MROH9: variants seen among roughly 807,000 people sequenced by gnomAD.
The protein encoded by MROH9 is maestro heat like repeat family member 9.
A neutral mutation model predicts 98.2 loss-of-function variants in MROH9; 92 were observed. That is an observed-to-expected ratio of 0.94 (90% confidence interval 0.79 to 1.11). The LOEUF is 1.11. Among genes scored for constraint, MROH9 ranks in the 50% most tolerant of loss-of-function variants. The pLI, the probability that MROH9 is intolerant of heterozygous loss-of-function variation, is 0.00. For synonymous variants in MROH9, 397 were observed against 368.9 expected (o/e 1.08, Z -0.87); for missense variants, 1,057 against 1,014.8 (o/e 1.04, Z -0.57).
intron 5 of MROH9, among the ~76,000 whole-genome samples, chr1:170,959,843 A>G (rs1649947551): frequency 6.6e-6 from 1 of 152,242 alleles, no homozygotes; most frequent in Admixed American, 6.5e-5. Flanking sequence ...TGGTTTAGCA[A>G]GAATAGGGAG....
At chr1:171,025,494 CT>C in intron 20 of MROH9, 74 bp downstream of exon 20, 1 of 1,019,498 alleles carries the variant, frequency 9.8e-7, no homozygotes, top group Non-Finnish European at 1.5e-6. Flanking sequence ...AAAAGTCTTT[CT>C]TACATTTTTT....
At chr1:171,063,986 A>G in intron 21 of MROH9, 113 bp from the exon 22 acceptor site, 1 of 1,035,944 alleles carries the variant, frequency 9.7e-7, no homozygotes, top group Non-Finnish European at 1.4e-6. Flanking sequence ...AATGCAGAGG[A>G]GAGATGGAGA....
chr1:171,024,308 G>GTA (rs879343648), intron 17 of MROH9, 87 bp from the exon 18 acceptor site: 1 of 858,548 alleles, frequency 1.2e-6, no homozygotes. Context: ...TATGGGGTGT[G>GTA]TGTGTGTGTG....
rs1439653527 is a variant in MROH9, at chr1:170,990,020, C to T, written c.1028+17C>T. 1 of 1,598,216 alleles carries T rather than the reference C, an allele frequency of 6.3e-7. No individual in the cohort carries two copies. The highest frequency in any genetic ancestry group is 2.2e-5 in the East Asian group (1 of 44,474). ...AGCAGACGAGTAAGGCCCCCCAACCCTCTGTCCCTTCCACAAGGGCTTGTT... is the reference window on the plus strand; with the variant it reads ...AGCAGACGAGTAAGGCCCCCCAACCTTCTGTCCCTTCCACAAGGGCTTGTT... On this transcript the variant is annotated intron_variant, in intron 11 of 21. Coordinates refer to ENST00000367759, the MANE Select transcript of MROH9 (RefSeq NM_001163629.2).
chr1:170,998,077 A>G, intron 14 of MROH9, 77 bp from the exon 15 acceptor site: 1 of 1,108,356 alleles, frequency 9.0e-7, no homozygotes, highest in East Asian at 2.4e-5. Flanking sequence ...AAGATATTAG[A>G]ATAATGATTC....
At position 170,972,806 on chromosome 1, in the gene MROH9, C is replaced by T. The variant is rs1432900646; in HGVS notation, c.616+923C>T. 8.6e-5 allele frequency among the ~76,000 whole-genome samples: 10 copies of T among 115,960 alleles called. No homozygotes were observed. In the South Asian group the frequency reaches 8.8e-4, roughly 10 times the overall value. 76.1% of individuals were successfully genotyped at this position (115,960 alleles called of 152,430 possible). On this transcript the variant is annotated intron_variant, in intron 8 of 21. Coordinates refer to ENST00000367759, the MANE Select transcript of MROH9 (RefSeq NM_001163629.2). ...CAGCGTGGGTGACAGAGCAAGACTC[C>T]GCCTCAAAAAAAAAAAAAAAAATAC... is the stretch of plus-strand genomic sequence containing the variant.
intron 20 of MROH9, among the ~76,000 whole-genome samples, chr1:171,026,520 G>A (rs967534964): frequency 7.2e-5 from 11 of 152,072 alleles, no homozygotes; most frequent in African/African-American, 1.2e-4. Flanking sequence ...TGATCTGCCT[G>A]CCTCAGCCTC....
At chr1:170,945,259 C>T (rs1649279250) in intron 1 of MROH9, among the ~76,000 whole-genome samples, 1 of 152,072 alleles carries the variant, frequency 6.6e-6, no homozygotes, top group Admixed American at 6.5e-5. Flanking sequence ...AATGAGATAG[C>T]ACTCCAAGTT....
chr1:171,029,657 G>A (rs1652841701), intron 20 of MROH9, among the ~76,000 whole-genome samples: 1 of 152,178 alleles, frequency 6.6e-6, no homozygotes, highest in East Asian at 1.9e-4. Context: ...ACCGATCGTG[G>A]TGGGTAAGTT....
intron 15 of MROH9, among the ~76,000 whole-genome samples, chr1:171,013,489 G>GA (rs970835099): frequency 2.0e-5 from 3 of 151,892 alleles, no homozygotes; most frequent in South Asian, 2.1e-4. Flanking sequence ...GCCATTCTTG[G>GA]AAAAAAAATG....
chr1:170,949,762 G>T (rs1261603734), intron 3 of MROH9, among the ~76,000 whole-genome samples: 1 of 152,008 alleles, frequency 6.6e-6, no homozygotes, highest in Non-Finnish European at 1.5e-5. Flanking sequence ...CCACCTGCTT[G>T]CCAGAACAAA....
chr1:170,962,798 C>A (rs138869291), intron 6 of MROH9, among the ~76,000 whole-genome samples: 20 of 151,890 alleles, frequency 1.3e-4, no homozygotes, highest in African/African-American at 4.8e-4. Context: ...ATATTGGACC[C>A]CTTCCTTACA....
At chr1:170,961,866 C>G in intron 5 of MROH9, 24 bp from the exon 6 acceptor site, 4 of 1,224,326 alleles carry the variant, frequency 3.3e-6, no homozygotes, top group Non-Finnish European at 4.5e-6. Flanking sequence ...GTCTGGCTGA[C>G]TGTGCAATGT....
At chr1:171,021,433 C>G (rs1279921880) in intron 17 of MROH9, among the ~76,000 whole-genome samples, 1 of 152,058 alleles carries the variant, frequency 6.6e-6, no homozygotes, top group Non-Finnish European at 1.5e-5. Context: ...CGAAACAGAA[C>G]AGAGATCTCA....
Position 171,012,750 on chromosome 1 carries a change from G to A in MROH9, c.1597-1367G>A, listed in dbSNP as rs1249603211. ...GATCTTCTGACATCATGATCCGCCC[G>A]CCTTGGCCTCCCAAAGCGCTGGGAT... On this transcript the variant is annotated intron_variant, in intron 15 of 21. Transcript: ENST00000367759. Among the ~76,000 whole-genome samples, 8 of 152,078 alleles carry A rather than the reference G, an allele frequency of 5.3e-5. No homozygotes were observed. In the East Asian group the frequency reaches 5.8e-4, roughly 11 times the overall value.
At chr1:171,050,514 A>C (rs1193271740) in intron 20 of MROH9, among the ~76,000 whole-genome samples, 2 of 152,132 alleles carry the variant, frequency 1.3e-5, no homozygotes, top group African/African-American at 4.8e-5. Context: ...TACTGATTTC[A>C]GTATGTTGAT....
intron 15 of MROH9, among the ~76,000 whole-genome samples, chr1:171,001,801 T>A (rs1177910795): frequency 1.3e-5 from 2 of 152,216 alleles, no homozygotes; most frequent in Admixed American, 1.3e-4. Flanking sequence ...TTTGTTGACT[T>A]TCTGTCTTGA....
At chr1:171,048,133 C>T (rs940267172) in intron 20 of MROH9, among the ~76,000 whole-genome samples, 8 of 152,158 alleles carry the variant, frequency 5.3e-5, no homozygotes, top group African/African-American at 1.9e-4. Flanking sequence ...GAGTCTCACC[C>T]AAGGCCTACT....
At chr1:171,020,442 C>T (rs1329475469) in intron 17 of MROH9, among the ~76,000 whole-genome samples, 2 of 152,114 alleles carry the variant, frequency 1.3e-5, no homozygotes, top group Admixed American at 6.6e-5. Context: ...ATCCCCGGGA[C>T]GCAAGCCTGG....
Sources: gnomAD v4.1 joint callset for allele counts (sites outside exome capture counted in the v4.1 genomes callset) on GRCh38, gnomAD v4.1.1 for gene constraint, MANE v1.5 for transcripts, NCBI Gene and HGNC (gene_info 2026-07-23, HGNC 2026-07-21) for gene names.